The following FAAH2 variants were observed in gnomAD, a reference collection of about 807,000 sequenced individuals.
FAAH2 encodes fatty acid amide hydrolase 2.
A neutral mutation model predicts 36.9 loss-of-function variants in FAAH2; 60 were observed. The observed-to-expected ratio is 1.63, with a 90% CI of 1.32 to 2.02. FAAH2 has a LOEUF of 2.02. FAAH2 is among the 30% of genes most tolerant of loss of function. The probability of loss-of-function intolerance (pLI) is 0.00; values close to 1 mark genes in which losing one functional copy is unlikely to be tolerated. For missense variants in FAAH2, 689 were observed against 397.5 expected, an observed-to-expected ratio of 1.73 and a Z score of -6.23; for synonymous variants, 214 against 143.8, an observed-to-expected ratio of 1.49 and a Z score of -3.49.
the FAAH2 span, among the ~76,000 whole-genome samples, chrX:57,177,924 C>T: frequency 9.0e-6 from 1 of 110,591 alleles, no homozygotes; most frequent in Non-Finnish European, 1.9e-5. Context: ...CCATGGGGTG[C>T]TTTCTTAATG....
intron 10 of FAAH2, among the ~76,000 whole-genome samples, chrX:57,486,394 C>A (rs965629857): frequency 1.8e-5 from 2 of 111,322 alleles, no homozygotes; most frequent in South Asian, 7.6e-4. Flanking sequence ...CTGGAAAAGG[C>A]TCAAGGAGAG....
At chrX:57,323,080 G>T (rs557035153) in intron 3 of FAAH2, among the ~76,000 whole-genome samples, 10 of 110,774 alleles carry the variant, frequency 9.0e-5, no homozygotes, top group Admixed American at 6.8e-4. Context: ...AAGAACATGC[G>T]GTGTTTGGTT....
chrX:57,477,198 C>A (rs1410905893), intron 10 of FAAH2, among the ~76,000 whole-genome samples: 1 of 110,357 alleles, frequency 9.1e-6, no homozygotes. Flanking sequence ...GTCTCAATCT[C>A]TTTCAGTTCT....
intron 2 of FAAH2, among the ~76,000 whole-genome samples, chrX:57,295,423 C>G (rs1011501188): frequency 8.9e-5 from 10 of 112,023 alleles, no homozygotes; most frequent in African/African-American, 9.7e-5. Flanking sequence ...CACAAATTAT[C>G]AAAGGAAAGT....
chrX:57,266,728 G>A, the FAAH2 span, among the ~76,000 whole-genome samples: 2 of 112,218 alleles, frequency 1.8e-5, no homozygotes, highest in African/African-American at 6.5e-5. Flanking sequence ...ATCCTGGGAT[G>A]ATTGCACTGA....
the FAAH2 span, among the ~76,000 whole-genome samples, chrX:57,265,903 C>G: frequency 9.0e-6 from 1 of 111,625 alleles, no homozygotes; most frequent in East Asian, 2.8e-4. Context: ...GTGGAGCCTC[C>G]CAACCAGGAT....
At chrX:57,260,602 T>C in the FAAH2 span, among the ~76,000 whole-genome samples, 1 of 111,803 alleles carries the variant, frequency 8.9e-6, no homozygotes, top group African/African-American at 3.2e-5. Flanking sequence ...AACACAGTGA[T>C]GTAAATGAGA....
the FAAH2 span, among the ~76,000 whole-genome samples, chrX:57,161,766 G>T: frequency 2.7e-5 from 3 of 111,578 alleles, no homozygotes; most frequent in African/African-American, 9.8e-5. Context: ...CTGCACGTGA[G>T]ATGGGTCTCC....
intron 7 of FAAH2, chrX:57,392,775 A>G: frequency 1.6e-6 from 1 of 613,626 alleles, no homozygotes; most frequent in Non-Finnish European, 2.8e-6. Flanking sequence ...GCTGGCATGG[A>G]TGTTGCGAAT....
the FAAH2 span, among the ~76,000 whole-genome samples, chrX:57,123,157 C>T: frequency 9.0e-6 from 1 of 111,164 alleles, no homozygotes; most frequent in Non-Finnish European, 1.9e-5. Context: ...CTCCCCTACC[C>T]CCACCTCACA....
intron 7 of FAAH2, among the ~76,000 whole-genome samples, chrX:57,395,998 T>C (rs1001505340): frequency 8.9e-6 from 1 of 112,109 alleles, no homozygotes; most frequent in Admixed American, 9.5e-5. Context: ...GGATATTTTG[T>C]ATTACAGATT....
intron 5 of FAAH2, among the ~76,000 whole-genome samples, chrX:57,344,142 C>A (rs1265942428): frequency 9.8e-6 from 1 of 101,536 alleles, no homozygotes; most frequent in Non-Finnish European, 2.0e-5. Flanking sequence ...TTTTTAAATT[C>A]TGTGAAAAAT....
At chrX:57,427,340 C>T (rs1470742989) in intron 7 of FAAH2, among the ~76,000 whole-genome samples, 2 of 110,589 alleles carry the variant, frequency 1.8e-5, no homozygotes, top group African/African-American at 6.6e-5. Context: ...TCCAGTCCTA[C>T]TGAAACAATT....
chrX:57,198,613 G>T, the FAAH2 span, among the ~76,000 whole-genome samples: 2 of 112,319 alleles, frequency 1.8e-5, no homozygotes, highest in Non-Finnish European at 3.8e-5. Context: ...ATTTTACCCA[G>T]GATATTTAAT....
chrX:57,269,389 C>G, the FAAH2 span, among the ~76,000 whole-genome samples: 4 of 111,367 alleles, frequency 3.6e-5, no homozygotes, highest in East Asian at 1.1e-3. Context: ...TAGATATCTA[C>G]AGAACTCTCC....
At chrX:57,394,298 C>T (rs1311350316) in intron 7 of FAAH2, 4 of 974,376 alleles carry the variant, frequency 4.1e-6, no homozygotes, top group Non-Finnish European at 4.4e-6. Flanking sequence ...TTTCCCTTCT[C>T]CCAGGGGTGT....
intron 5 of FAAH2, among the ~76,000 whole-genome samples, chrX:57,356,338 TA>T (rs1009578721): frequency 7.3e-5 from 8 of 109,682 alleles, no homozygotes; most frequent in Middle Eastern, 4.7e-3. Context: ...TAGTATTATT[TA>T]AAAAAAAAGT....
chrX:57,267,069 A>G, the FAAH2 span, among the ~76,000 whole-genome samples: 2 of 111,798 alleles, frequency 1.8e-5, no homozygotes, highest in East Asian at 5.7e-4. Flanking sequence ...GCGAGCCCAC[A>G]CCATAGCTTC....
chrX:57,215,683 G>A, the FAAH2 span, among the ~76,000 whole-genome samples: 5 of 110,163 alleles, frequency 4.5e-5, no homozygotes, highest in African/African-American at 1.6e-4. Context: ...GATAAAGCTG[G>A]AAGCCATCAT....
Sources: allele counts gnomAD v4.1 joint callset (sites outside exome capture counted in the v4.1 genomes callset), GRCh38; gene constraint gnomAD v4.1.1; transcripts MANE v1.5; gene names NCBI Gene and HGNC (gene_info 2026-07-23, HGNC 2026-07-21).